Variants in CAPN7 observed in about 807,000 individuals in gnomAD.
CAPN7 encodes calpain 7.
In CAPN7, 72 loss-of-function variants were observed where a neutral mutation model predicts 115.2. The ratio of observed to expected loss-of-function variants is 0.63; its 90% CI spans 0.52 to 0.76. CAPN7 has a LOEUF of 0.76. Ranked by LOEUF, CAPN7 falls within the 30% of genes least tolerant of loss-of-function variation. The pLI is 0.00. For synonymous variants in CAPN7, 344 were observed against 322.3 expected (o/e 1.07, Z -0.72); for missense variants, 905 against 971.5 (o/e 0.93, Z 0.91).
rs942991472 is a variant in CAPN7 at position 15,210,759 on chromosome 3, A to G, written c.103-1345A>G. 9 of 1,284,614 alleles carry G rather than the reference A, an allele frequency of 7.0e-6. No individual in the cohort carries two copies. In the Admixed American group the frequency reaches 2.1e-4, roughly 30 times the overall value. The allele number at this position is 1,284,614 out of a possible 1,614,324, so 79.6% of individuals were successfully genotyped here. On this transcript the variant is annotated intron_variant, in intron 1 of 20. Transcript: ENST00000253693. ...TACTTTGTAGAGACAGGGTTTCACC[A>G]TGTTGCCCAGGCTGAAAACTGCACT... is the stretch of plus-strand genomic sequence containing the variant.
At position 15,206,261 on chromosome 3, in the gene CAPN7, C is replaced by A. The variant is rs1169245808; in HGVS notation, c.-235C>A. ...TGGGCGGGGCGAGGGCCGCTGGGGCCGCGAAGTGGGGCGGCCGGGTGGGCT... is the reference window on the plus strand; with the variant it reads ...TGGGCGGGGCGAGGGCCGCTGGGGCAGCGAAGTGGGGCGGCCGGGTGGGCT... On this transcript the variant is annotated 5_prime_UTR_variant, in exon 1 of 21. Coordinates refer to ENST00000253693, the MANE Select transcript of CAPN7 (RefSeq NM_014296.3). The A allele has an allele frequency of 5.0e-6, 2 of 400,226 alleles. No individual in the cohort carries two copies. The highest frequency in any genetic ancestry group is 2.1e-5 in the African/African-American group (1 of 46,840). The allele number at this position is 400,226 out of a possible 1,614,324, so 24.8% of individuals were successfully genotyped here.
chr3:15,229,797 G>C (rs1325171181), intron 8 of CAPN7, among the ~76,000 whole-genome samples: 1 of 151,856 alleles, frequency 6.6e-6, no homozygotes, highest in Non-Finnish European at 1.5e-5. Context: ...GCTTTAGAAT[G>C]TATTAAAATG....
Position 15,248,975 on chromosome 3 carries a change from G to A in CAPN7, c.2204+1518G>A, listed in dbSNP as rs144919944. On this transcript the variant is annotated intron_variant, in intron 19 of 20. Transcript: ENST00000253693. ...GATGCCACTGCACTCCAGCCTGGTT[G>A]ACAGAGCGAGACCCTGTCTCATACA... is the stretch of plus-strand genomic sequence containing the variant. Among the ~76,000 whole-genome samples, 942 of 121,392 alleles carry A rather than the reference G, an allele frequency of 7.8e-3. 7 individuals are homozygous for A. Among genetic ancestry groups the A allele is most frequent in the Admixed American group, 0.016 (147 of 9,288 alleles). 79.6% of individuals were successfully genotyped at this position (121,392 alleles called of 152,430 possible).
Position 15,241,580 on chromosome 3 carries a change from A to G in CAPN7, c.1780A>G (p.Thr594Ala), listed in dbSNP as rs1176564902. 6.2e-7 allele frequency: 1 copy of G among 1,613,984 alleles called. No homozygotes were observed. The highest frequency in any genetic ancestry group is 8.5e-7 in the Non-Finnish European group (1 of 1,179,918). The change falls in exon 15 of 21, where the codon ACA becomes GCA. Residue 594 changes from threonine (T) to alanine (A), a missense_variant. By Grantham distance (58) the Thr-to-Ala change is moderately conservative (BLOSUM62 0). Transcript: ENST00000253693. ...TTGGGTTTTGCTTAGTAGACACATA[A>G]CAGACAAGGTACTGATACCCTTCTA... ...AVWVLLSRHI[T>A]DKDDFANNRE...
chr3:15,242,980 A>G (rs995492098), intron 16 of CAPN7, among the ~76,000 whole-genome samples: 2 of 152,212 alleles, frequency 1.3e-5, no homozygotes, highest in Admixed American at 1.3e-4. Flanking sequence ...GAGACAGTTA[A>G]TAAGCAAAAT....
intron 19 of CAPN7, among the ~76,000 whole-genome samples, chr3:15,250,143 T>G (rs907311364): frequency 1.3e-5 from 2 of 148,238 alleles, no homozygotes; most frequent in South Asian, 2.1e-4. Flanking sequence ...GAGGCCAATG[T>G]AGGAGGATAG....
intron 12 of CAPN7, among the ~76,000 whole-genome samples, chr3:15,237,619 G>T (rs1695069099): frequency 6.6e-6 from 1 of 152,114 alleles, no homozygotes; most frequent in African/African-American, 2.4e-5. Context: ...GTGAAATTAA[G>T]TACGCCAATA....
chr3:15,209,067 A>G (rs996748422), intron 1 of CAPN7, among the ~76,000 whole-genome samples: 4 of 151,904 alleles, frequency 2.6e-5, no homozygotes, highest in Non-Finnish European at 4.4e-5. Context: ...CTGGAGTGCA[A>G]TAGCACAATC....
intron 10 of CAPN7, among the ~76,000 whole-genome samples, chr3:15,233,121 C>A (rs62242095): frequency 1.3e-3 from 204 of 152,282 alleles, no homozygotes; most frequent in Non-Finnish European, 2.6e-3. Flanking sequence ...TAAATTCTTA[C>A]AATAACCAGC....
chr3:15,244,569 T>G (rs1695546508), intron 16 of CAPN7, among the ~76,000 whole-genome samples: 1 of 152,174 alleles, frequency 6.6e-6, no homozygotes, highest in African/African-American at 2.4e-5. Flanking sequence ...TATGATTTGT[T>G]TGAGATACCA....
rs773192523 is a variant in CAPN7, at chr3:15,223,490, A to G, written c.654A>G (p.Ile218Met). ...TGTTTGATAGGACAACATCAAAAAT[A>G]AATGGTATAGAATATGTTCCTTTCA... is the stretch of plus-strand genomic sequence containing the variant. ...EIEVLRTTSKINGIEYVPFMN... is the reference protein window; with the variant it reads ...EIEVLRTTSKMNGIEYVPFMN... Residue 218 changes from isoleucine (I) to methionine (M), a missense_variant, in exon 6 of 21, where the codon ATA becomes ATG. Ile to Met is a conservative substitution (Grantham distance 10). Around this residue, in one of 3 missense-constraint regions of CAPN7, gnomAD observed 14 missense variants for 28.5 expected, o/e 0.49. Transcript: ENST00000253693. 6.2e-7 allele frequency: 1 copy of G among 1,608,554 alleles called. No homozygotes were observed. Among genetic ancestry groups the G allele is most frequent in the South Asian group, 1.1e-5 (1 of 90,408 alleles).
intron 6 of CAPN7, among the ~76,000 whole-genome samples, chr3:15,225,422 T>C (rs1694255893): frequency 2.0e-5 from 3 of 152,240 alleles, no homozygotes; most frequent in African/African-American, 7.2e-5. Context: ...TTATCATTTC[T>C]ATCTTTTTGC....
intron 1 of CAPN7, among the ~76,000 whole-genome samples, chr3:15,209,310 T>A (rs1263126753): frequency 1.3e-5 from 2 of 152,176 alleles, no homozygotes; most frequent in Admixed American, 6.5e-5. Flanking sequence ...GCCCCCAGCC[T>A]ATTTTTTTCT....
At chr3:15,207,298 TAAAAA>T (rs756553318) in intron 1 of CAPN7, among the ~76,000 whole-genome samples, 1 of 148,982 alleles carries the variant, frequency 6.7e-6, no homozygotes, top group African/African-American at 2.5e-5. Context: ...GCATAAAAGA[TAAAAA>T]AAAAATACTA....
intron 1 of CAPN7, among the ~76,000 whole-genome samples, chr3:15,208,474 T>A (rs940485008): frequency 1.3e-5 from 2 of 149,748 alleles, no homozygotes; most frequent in Non-Finnish European, 3.0e-5. Context: ...TTTTTTTTTT[T>A]TGTGTAGAAA....
intron 19 of CAPN7, among the ~76,000 whole-genome samples, 181 bp from the exon 20 acceptor site, chr3:15,250,750 C>A (rs1308080174): frequency 2.6e-5 from 4 of 152,196 alleles, no homozygotes; most frequent in Non-Finnish European, 5.9e-5. Flanking sequence ...TGGTGTTAAT[C>A]TTTAAGGCTT....
At chr3:15,249,456 G>C (rs1320078257) in intron 19 of CAPN7, among the ~76,000 whole-genome samples, 1 of 151,770 alleles carries the variant, frequency 6.6e-6, no homozygotes, top group Non-Finnish European at 1.5e-5. Context: ...CTGTCTTCTG[G>C]TTTCATTTTG....
chr3:15,211,304 T>A (rs2044929453), intron 1 of CAPN7, among the ~76,000 whole-genome samples: 1 of 152,206 alleles, frequency 6.6e-6, no homozygotes. Flanking sequence ...TTACTTGCAA[T>A]CAGTTCACAT....
intron 6 of CAPN7, among the ~76,000 whole-genome samples, chr3:15,225,187 G>C (rs1320312889): frequency 2.0e-5 from 3 of 152,110 alleles, no homozygotes; most frequent in Admixed American, 1.3e-4. Flanking sequence ...TCATCATTTT[G>C]TTAGTTACTA....
Sources: gnomAD v4.1 joint callset for allele counts (sites outside exome capture counted in the v4.1 genomes callset) on GRCh38, gnomAD v4.1.1 for gene constraint, gnomAD v4.1.1 regional missense constraint, MANE v1.5 for transcripts, NCBI Gene and HGNC (gene_info 2026-07-23, HGNC 2026-07-21) for gene names.